TRNAU1AP: variants seen among roughly 807,000 people sequenced by gnomAD.
TRNAU1AP encodes the protein tRNA selenocysteine 1 associated protein 1.
In TRNAU1AP, 33 loss-of-function variants were observed where a neutral mutation model predicts 43.3. The observed-to-expected ratio is 0.76, with a 90% confidence interval of 0.58 to 1.02. The LOEUF (loss-of-function observed/expected upper bound fraction) is 1.02, where lower values mean the gene tolerates loss of function less well. Among genes scored for constraint, TRNAU1AP ranks in the 50% least tolerant of loss-of-function variants. The pLI, the probability that TRNAU1AP is intolerant of heterozygous loss-of-function variation, is 0.00. For synonymous variants in TRNAU1AP, 143 were observed against 129.1 expected, an observed-to-expected ratio of 1.11 and a Z score of -0.73; for missense variants, 290 against 362.7, an observed-to-expected ratio of 0.80 and a Z score of 1.63.
At chr1:28,555,141 A>G (rs1431933237) in intron 2 of TRNAU1AP, among the ~76,000 whole-genome samples, 2 of 151,722 alleles carry the variant, frequency 1.3e-5, no homozygotes, top group Non-Finnish European at 2.9e-5. Flanking sequence ...GAGGCAGGAG[A>G]ATCGCTTGAA....
intron 8 of TRNAU1AP, among the ~76,000 whole-genome samples, chr1:28,575,057 AGTT>A (rs1665743613): frequency 6.6e-6 from 1 of 152,188 alleles, no homozygotes; most frequent in Non-Finnish European, 1.5e-5. Context: ...TCAAGTCTCT[AGTT>A]GTTTCCCCCT....
chr1:28,573,665 C>T (rs1306392752), intron 8 of TRNAU1AP, among the ~76,000 whole-genome samples: 2 of 151,916 alleles, frequency 1.3e-5, no homozygotes, highest in Admixed American at 6.6e-5. Flanking sequence ...CTCACCTCCT[C>T]AGGAGGCTGA....
rs1223647623 is a variant in TRNAU1AP, at chr1:28,567,279, A to AT, written c.411-8dup. 1.9e-6 allele frequency: 3 copies of AT among 1,610,102 alleles called. No individual in the cohort carries two copies. The highest frequency in any genetic ancestry group is 1.3e-5 in the African/African-American group (1 of 74,696). ...ATCACATTTGTGATCTAAATTGTATATTTTTTTCATGCAGGGGTTATGGTT... is the reference window on the plus strand; with the variant it reads ...ATCACATTTGTGATCTAAATTGTATATTTTTTTTCATGCAGGGGTTATGGTT... On this transcript the variant is annotated splice_polypyrimidine_tract_variant and intron_variant, in intron 5 of 8. Coordinates refer to ENST00000373830, the MANE Select transcript of TRNAU1AP (RefSeq NM_017846.5).
At position 28,578,482 on chromosome 1, in the gene TRNAU1AP, G is replaced by C. The variant is rs1171563978; in HGVS notation, c.*846G>C. The C allele has an allele frequency of 7.3e-6, 2 of 272,140 alleles. No individual in the cohort carries two copies. The highest frequency in any genetic ancestry group is 1.0e-4 in the Admixed American group (2 of 19,584). The allele number at this position is 272,140 out of a possible 1,614,324, so 16.9% of individuals were successfully genotyped here. On this transcript the variant is annotated 3_prime_UTR_variant, in exon 9 of 9. Coordinates refer to ENST00000373830, the MANE Select transcript of TRNAU1AP (RefSeq NM_017846.5). ...GGTGGCTCACTTTGGGAGATGGATT[G>C]CTTGAGCTCGGGAAGAGACCAGTTC...
intron 2 of TRNAU1AP, among the ~76,000 whole-genome samples, chr1:28,556,747 G>A (rs1055063093): frequency 6.6e-6 from 1 of 151,744 alleles, no homozygotes; most frequent in African/African-American, 2.4e-5. Flanking sequence ...GCAGTGGTGC[G>A]ATCTCAGCTC....
At chr1:28,555,265 C>T (rs1204836166) in intron 2 of TRNAU1AP, among the ~76,000 whole-genome samples, 1 of 151,850 alleles carries the variant, frequency 6.6e-6, no homozygotes, top group Non-Finnish European at 1.5e-5. Flanking sequence ...GGAGATACTA[C>T]TGTGTTCTAC....
intron 8 of TRNAU1AP, 142 bp downstream of exon 8, chr1:28,572,042 G>T: frequency 1.3e-6 from 1 of 764,606 alleles, no homozygotes; most frequent in African/African-American, 1.7e-5. Flanking sequence ...AGACAAATAT[G>T]TAATTATGGT....
At chr1:28,569,932 C>T (rs1367790745) in intron 6 of TRNAU1AP, among the ~76,000 whole-genome samples, 2 of 151,514 alleles carry the variant, frequency 1.3e-5, no homozygotes, top group African/African-American at 2.4e-5. Context: ...ACCCAGGAGG[C>T]GGAGGTTGCA....
intron 8 of TRNAU1AP, 35 bp downstream of exon 8, chr1:28,571,935 T>C (rs1267510266): frequency 6.3e-7 from 1 of 1,587,604 alleles, no homozygotes; most frequent in East Asian, 2.2e-5. Flanking sequence ...CTGTCAGCCA[T>C]TATCAGGTGA....
chr1:28,575,193 T>TCA (rs780515161), intron 8 of TRNAU1AP, among the ~76,000 whole-genome samples: 13 of 152,174 alleles, frequency 8.5e-5, no homozygotes, highest in Non-Finnish European at 1.6e-4. Context: ...TCTTGCTCTG[T>TCA]CACCAGGCTG....
chr1:28,561,895 AC>A (rs1557433513), intron 4 of TRNAU1AP, among the ~76,000 whole-genome samples: 1 of 152,100 alleles, frequency 6.6e-6, no homozygotes, highest in African/African-American at 2.4e-5. Context: ...ACACGGTGAA[AC>A]CCCGTCTCTA....
intron 8 of TRNAU1AP, among the ~76,000 whole-genome samples, chr1:28,572,615 C>T (rs531757703): frequency 2.4e-4 from 37 of 151,214 alleles, no homozygotes; most frequent in African/African-American, 7.8e-4. Context: ...TTTAAGTCAT[C>T]GTTAGGATGG....
In TRNAU1AP at chr1:28,561,196, C is replaced by T. The variant is rs575577661; in HGVS notation, c.226-150C>T. The T allele has an allele frequency of 1.1e-5, 16 of 1,468,166 alleles. No homozygotes were observed. The East Asian group carries it at 3.8e-4, about 35-fold the overall frequency. The allele number at this position is 1,468,166 out of a possible 1,614,324, so 90.9% of individuals were successfully genotyped here. On this transcript the variant is annotated intron_variant, in intron 3 of 8. Coordinates refer to ENST00000373830, the MANE Select transcript of TRNAU1AP (RefSeq NM_017846.5). ...GCAGTGCCCTTAGCGGTCATCCGTG[C>T]AACCCCCTCATTTTATACAGGAGAA... is the stretch of plus-strand genomic sequence containing the variant.
At chr1:28,576,596 C>T (rs1199896477) in intron 8 of TRNAU1AP, among the ~76,000 whole-genome samples, 2 of 151,628 alleles carry the variant, frequency 1.3e-5, no homozygotes, top group Admixed American at 6.6e-5. Context: ...GGATTACAGG[C>T]GTGAGCCACC....
rs1665170325 is a variant in TRNAU1AP at position 28,553,118 on chromosome 1, C to T, written c.8C>T (p.Ala3Val). 3 of 1,521,376 alleles carry T rather than the reference C, an allele frequency of 2.0e-6. No individual in the cohort carries two copies. Among genetic ancestry groups the T allele is most frequent in the Non-Finnish European group, 1.8e-6 (2 of 1,132,242 alleles). The allele number at this position is 1,521,376 out of a possible 1,614,324, so 94.2% of individuals were successfully genotyped here. ...CCACCCCGGTGCGCGGGTATGGCGG[C>T]CAGCCTGTGGATGGGCGACGTGAGT... Reference protein sequence around the residue: MAASLWMGDLEPY... With the variant: MAVSLWMGDLEPY... Residue 3 changes from alanine (A) to valine (V), a missense_variant, in exon 1 of 9, where the codon GCC becomes GTC. This residue lies in a region of TRNAU1AP where 59 missense variants were observed against 45.5 expected (regional missense o/e 1.30). Transcript: ENST00000373830.
chr1:28,577,493 T>C lies in TRNAU1AP; in HGVS notation c.728-7T>C. On this transcript the variant is annotated splice_region_variant and splice_polypyrimidine_tract_variant and intron_variant, in intron 8 of 8. Coordinates refer to ENST00000373830, the MANE Select transcript of TRNAU1AP (RefSeq NM_017846.5). ...CTTCCCTGACCCCATCCTTGCTTGC[T>C]TTCCAGACCCCATGCCACAGCTGGA... is the stretch of plus-strand genomic sequence containing the variant. 1 of 1,613,564 alleles carries C rather than the reference T, an allele frequency of 6.2e-7. No homozygotes were observed. The highest frequency in any genetic ancestry group is 1.1e-5 in the South Asian group (1 of 91,018).
At chr1:28,558,062 ATTTTTTTTTT>A (rs998976595) in intron 2 of TRNAU1AP, among the ~76,000 whole-genome samples, 1 of 122,114 alleles carries the variant, frequency 8.2e-6, no homozygotes, top group Non-Finnish European at 1.7e-5. Flanking sequence ...TGCCTGGCTA[ATTTTTTTTTT>A]TTTTTTTTTT....
chr1:28,561,393 T>C lies in TRNAU1AP; in HGVS notation c.273T>C (p.Asp91=), dbSNP rs763118078. ...ATGCCACTTACGGGAAACAACCAGATAACAGGTAGGTACAAAGTCATGTCT... is the reference window on the plus strand; with the variant it reads ...ATGCCACTTACGGGAAACAACCAGACAACAGGTAGGTACAAAGTCATGTCT... ...LNYATYGKQP[D]NSPEYSLFVG... The change falls in exon 4 of 9, where the codon GAT becomes GAC. Residue 91 remains aspartate, a synonymous_variant. Transcript: ENST00000373830. The C allele has an allele frequency of 1.4e-5, 22 of 1,614,022 alleles. No individual in the cohort carries two copies. The highest frequency in any genetic ancestry group is 2.5e-6 in the Non-Finnish European group (3 of 1,180,006).
At chr1:28,570,185 G>A (rs1453481705) in intron 6 of TRNAU1AP, among the ~76,000 whole-genome samples, 1 of 152,036 alleles carries the variant, frequency 6.6e-6, no homozygotes, top group African/African-American at 2.4e-5. Context: ...CCAGGATCAA[G>A]CGATTCTCCT....
Sources: gnomAD v4.1 joint callset for allele counts (sites outside exome capture counted in the v4.1 genomes callset) on GRCh38, gnomAD v4.1.1 for gene constraint, gnomAD v4.1.1 regional missense constraint, MANE v1.5 for transcripts, NCBI Gene and HGNC (gene_info 2026-07-23, HGNC 2026-07-21) for gene names.